Variants in WNT8A observed in about 807,000 individuals in gnomAD.
WNT8A encodes Wnt family member 8A.
A neutral mutation model predicts 20.5 loss-of-function variants in WNT8A; 14 were observed. The observed-to-expected ratio is 0.68, with a 90% CI of 0.45 to 1.07. The LOEUF (loss-of-function observed/expected upper bound fraction) is 1.07. Among genes scored for constraint, WNT8A ranks in the 50% least tolerant of loss-of-function variants. WNT8A has a pLI of 0.00. For synonymous variants in WNT8A, 167 were observed against 169.2 expected (o/e 0.99, Z 0.10); for missense variants, 397 against 462.9 (o/e 0.86, Z 1.31).
At chr5:138,079,576 CA>C (rs1156762653), upstream of WNT8A, among the ~76,000 whole-genome samples, 1 of 152,010 alleles carries the variant, frequency 6.6e-6, no homozygotes, top group Admixed American at 6.6e-5. Context: ...TGAAAATTAG[CA>C]AATATTACCA....
chr5:138,087,723 A>G, intron 2 of WNT8A, 83 bp from the exon 3 acceptor site: 1 of 1,401,156 alleles, frequency 7.1e-7, no homozygotes, highest in Non-Finnish European at 9.7e-7. Flanking sequence ...GATAAGGGAG[A>G]TAAACAGTAT....
At chr5:138,080,519 G>C (rs1284627886), upstream of WNT8A, among the ~76,000 whole-genome samples, 2 of 135,952 alleles carry the variant, frequency 1.5e-5, no homozygotes, top group Admixed American at 8.5e-5. Context: ...TGTTGGTCAG[G>C]CTGGTCTCAA....
chr5:138,083,424 A>C (rs1451100114), upstream of WNT8A, among the ~76,000 whole-genome samples: 2 of 152,184 alleles, frequency 1.3e-5, no homozygotes, highest in Non-Finnish European at 2.9e-5. Context: ...GCTAGGAATT[A>C]AGGAAATTTC....
At chr5:138,080,571 G>T (rs1261131255), upstream of WNT8A, among the ~76,000 whole-genome samples, 1 of 146,320 alleles carries the variant, frequency 6.8e-6, no homozygotes, top group Non-Finnish European at 1.5e-5. Context: ...GCCTCCCAAA[G>T]TGCTGGGATT....
chr5:138,085,723 A>G (rs562779167), intron 2 of WNT8A, among the ~76,000 whole-genome samples: 11 of 151,998 alleles, frequency 7.2e-5, no homozygotes, highest in Middle Eastern at 3.4e-3. Flanking sequence ...GCATGGTAGC[A>G]TGTGCCTGTA....
At chr5:138,085,135 A>G (rs546605292) in intron 2 of WNT8A, among the ~76,000 whole-genome samples, 113 of 152,238 alleles carry the variant, frequency 7.4e-4, no homozygotes, top group Non-Finnish European at 1.5e-4. Context: ...GGGTTTCACC[A>G]TGTTGGCCAG....
downstream of WNT8A, chr5:138,091,635 G>A: frequency 1.6e-6 from 1 of 624,940 alleles, no homozygotes; most frequent in Non-Finnish European, 2.3e-6. Context: ...CCTCCAGCCT[G>A]GACAACATAG....
the WNT8A span, among the ~76,000 whole-genome samples, chr5:138,078,498 A>G: frequency 1.3e-5 from 2 of 152,140 alleles, no homozygotes; most frequent in African/African-American, 2.4e-5. Context: ...CTGAGGATCG[A>G]AGGATTTGGG....
chr5:138,089,318 C>G (rs565479765), intron 4 of WNT8A, among the ~76,000 whole-genome samples: 159 of 152,362 alleles, frequency 1.0e-3, no homozygotes, highest in African/African-American at 3.6e-3. Context: ...ATTGTATGTT[C>G]TGCTCTGCCC....
intron 3 of WNT8A, among the ~76,000 whole-genome samples, 158 bp downstream of exon 3, chr5:138,088,089 C>A (rs181515729): frequency 2.6e-5 from 4 of 152,270 alleles, no homozygotes. Context: ...CTTACACTCT[C>A]AGAGTTGAGC....
chr5:138,091,571 GT>G, downstream of WNT8A: 1 of 1,179,376 alleles, frequency 8.5e-7, no homozygotes, highest in Non-Finnish European at 1.1e-6. Context: ...CTACTGGAAA[GT>G]TTTAGAGTGT....
At chr5:138,090,215 C>T (rs1190405393) in intron 4 of WNT8A, among the ~76,000 whole-genome samples, 7 of 152,112 alleles carry the variant, frequency 4.6e-5, no homozygotes, top group Admixed American at 4.6e-4. Flanking sequence ...TAGAGAAAAG[C>T]TTGACAAGTG....
chr5:138,090,260 C>T (rs1254473492), intron 4 of WNT8A, among the ~76,000 whole-genome samples: 1 of 152,154 alleles, frequency 6.6e-6, no homozygotes, highest in African/African-American at 2.4e-5. Context: ...TTTCTGGACT[C>T]TAGTAACCTT....
upstream of WNT8A, among the ~76,000 whole-genome samples, chr5:138,083,221 T>TA (rs1157604376): frequency 6.7e-6 from 1 of 148,718 alleles, no homozygotes; most frequent in Non-Finnish European, 1.5e-5. Flanking sequence ...GCAGAGGTTG[T>TA]AGTGAGCTGA....
In WNT8A at chr5:138,084,359, G is replaced by A. The variant is rs879135840; in HGVS notation, c.156+76G>A. ...CTCTTCTGGAGAAAAGAGGGGCGGG[G>A]ACAGTGCCAGAGCCCCTCACCCAGA... is the stretch of plus-strand genomic sequence containing the variant. On this transcript the variant is annotated intron_variant, in intron 1 of 4. Coordinates refer to ENST00000506684, the MANE Select transcript of WNT8A (RefSeq NM_001300939.2). 1.3e-4 allele frequency: 206 copies of A among 1,576,408 alleles called. 1 individual carries two copies. The highest frequency in any genetic ancestry group is 1.7e-4 in the Non-Finnish European group (199 of 1,158,620).
In WNT8A at chr5:138,087,887, A is replaced by G; in HGVS notation, c.377A>G (p.Asp126Gly). ...YIITKNCSMG[D>G]FENCGCDGSN... Reference sequence around the variant, plus strand: ...ATCACCAAGAACTGTAGCATGGGTGACTTCGAAAACTGTGGCTGTGATGGG... The same window carrying G: ...ATCACCAAGAACTGTAGCATGGGTGGCTTCGAAAACTGTGGCTGTGATGGG... Residue 126 changes from aspartate (D) to glycine (G), a missense_variant, in exon 3 of 5, where the codon GAC becomes GGC. By Grantham distance (94) the Asp-to-Gly change is moderately conservative. Transcript: ENST00000506684. 6.2e-7 allele frequency: 1 copy of G among 1,614,064 alleles called. No homozygotes were observed. Among genetic ancestry groups the G allele is most frequent in the Non-Finnish European group, 8.5e-7 (1 of 1,179,938 alleles).
At chr5:138,089,115 C>T in intron 4 of WNT8A, 46 bp downstream of exon 4, 2 of 1,588,490 alleles carry the variant, frequency 1.3e-6, no homozygotes, top group South Asian at 1.1e-5. Context: ...TTCACATCTG[C>T]CCGGCCCTTC....
In WNT8A at chr5:138,090,891, C is replaced by T. The variant is rs1293971412; in HGVS notation, c.928C>T (p.Arg310Cys). 1.4e-5 allele frequency: 22 copies of T among 1,614,022 alleles called. No homozygotes were observed. Among genetic ancestry groups the T allele is most frequent in the African/African-American group, 2.7e-5 (2 of 74,900 alleles). Reference protein sequence around the residue: ...TSRWERRSCGRLCTECGLQVE... With the variant: ...TSRWERRSCGCLCTECGLQVE... ...CAGGTGGGAGCGACGTAGCTGTGGGCGCCTGTGCACTGAGTGTGGGCTGCA... is the reference window on the plus strand; with the variant it reads ...CAGGTGGGAGCGACGTAGCTGTGGGTGCCTGTGCACTGAGTGTGGGCTGCA... The change falls in exon 5 of 5, where the codon CGC becomes TGC. Residue 310 changes from arginine to cysteine, a missense_variant. Arg to Cys is a radical substitution (Grantham distance 180). Transcript: ENST00000506684.
At chr5:138,079,498 A>G (rs987614572), upstream of WNT8A, among the ~76,000 whole-genome samples, 1 of 152,060 alleles carries the variant, frequency 6.6e-6, no homozygotes, top group Non-Finnish European at 1.5e-5. Context: ...TTATATAATG[A>G]TATACTACAT....
Sources: allele counts gnomAD v4.1 joint callset (sites outside exome capture counted in the v4.1 genomes callset), GRCh38; gene constraint gnomAD v4.1.1; transcripts MANE v1.5; gene names NCBI Gene and HGNC (gene_info 2026-07-23, HGNC 2026-07-21).